The following ELOVL5 variants were observed in gnomAD, a reference collection of about 807,000 sequenced individuals.
ELOVL5 encodes the protein very long chain fatty acid elongase 5.
ELOVL5 carries 8 observed loss-of-function variants against 38.6 expected under a neutral mutation model. The ratio of observed to expected loss-of-function variants is 0.21; its 90% confidence interval spans 0.12 to 0.37. The LOEUF (loss-of-function observed/expected upper bound fraction) is 0.37. Ranked by LOEUF, ELOVL5 falls within the 10% of genes least tolerant of loss-of-function variation. ELOVL5 has a pLI of 1.00. For missense variants in ELOVL5, 280 were observed against 367.8 expected (o/e 0.76, Z 1.95); for synonymous variants, 127 against 133.7 (o/e 0.95, Z 0.34).
At chr6:53,328,469 A>G (rs189087722) in intron 1 of ELOVL5, among the ~76,000 whole-genome samples, 1 of 152,338 alleles carries the variant, frequency 6.6e-6, no homozygotes, top group Admixed American at 6.5e-5. Context: ...CCCAAAGTAG[A>G]GCTCTAGTTG....
intron 1 of ELOVL5, among the ~76,000 whole-genome samples, chr6:53,316,841 A>C (rs893603455): frequency 2.0e-5 from 3 of 152,132 alleles, no homozygotes; most frequent in African/African-American, 7.2e-5. Context: ...AGTTCTGTTC[A>C]CCTAGACCTT....
intron 1 of ELOVL5, among the ~76,000 whole-genome samples, chr6:53,338,409 C>T (rs1769176720): frequency 1.3e-5 from 2 of 152,196 alleles, no homozygotes; most frequent in Non-Finnish European, 2.9e-5. Context: ...AAGGCAGCTG[C>T]TCTGAAAATG....
chr6:53,306,173 C>G (rs1040017386), intron 1 of ELOVL5, among the ~76,000 whole-genome samples: 1 of 142,886 alleles, frequency 7.0e-6, no homozygotes, highest in East Asian at 2.1e-4. Flanking sequence ...AGCTTTGGCT[C>G]GGCATGAGAG....
chr6:53,319,279 A>G (rs1369832952), intron 1 of ELOVL5, among the ~76,000 whole-genome samples: 1 of 3,670 alleles, frequency 2.7e-4, no homozygotes, highest in Non-Finnish European at 8.4e-4. Flanking sequence ...TCAAAAAAAA[A>G]AAAAAAAAAA....
chr6:53,305,414 GC>G (rs1767473089), intron 1 of ELOVL5, among the ~76,000 whole-genome samples: 2 of 150,238 alleles, frequency 1.3e-5, no homozygotes, highest in African/African-American at 4.9e-5. Flanking sequence ...CGGGGTGGCT[GC>G]CGGGCGGAGA....
chr6:53,340,725 C>G (rs1026353615), intron 1 of ELOVL5, among the ~76,000 whole-genome samples: 1 of 152,192 alleles, frequency 6.6e-6, no homozygotes, highest in Non-Finnish European at 1.5e-5. Context: ...TGGTAACCAT[C>G]TAGGTTTGTC....
intron 3 of ELOVL5, among the ~76,000 whole-genome samples, chr6:53,282,511 A>G (rs1364737487): frequency 6.6e-6 from 1 of 152,210 alleles, no homozygotes; most frequent in Non-Finnish European, 1.5e-5. Context: ...CATTCTCCCT[A>G]CCGTGAGGCA....
rs539584767 is a variant in ELOVL5 at position 53,322,271 on chromosome 6, A to G, written c.-9+26546T>C. Reference sequence around the variant, plus strand: ...ACAAAACTACCTTTAAAAAAGCCAAATTTTTAAAGTATTTAAGAACTTGAA... The same window carrying G: ...ACAAAACTACCTTTAAAAAAGCCAAGTTTTTAAAGTATTTAAGAACTTGAA... On this transcript the variant is annotated intron_variant, in intron 1 of 7. Transcript: ENST00000304434. Among the ~76,000 whole-genome samples the G allele has an allele frequency of 2.6e-5, 4 of 152,304 alleles. No homozygotes were observed. In the East Asian group the frequency reaches 7.7e-4, roughly 29 times the overall value.
At chr6:53,283,217 A>G (rs1300401020) in intron 3 of ELOVL5, among the ~76,000 whole-genome samples, 1 of 152,246 alleles carries the variant, frequency 6.6e-6, no homozygotes, top group African/African-American at 2.4e-5. Context: ...ATTCTTACCT[A>G]TAATGCGAGG....
intron 1 of ELOVL5, among the ~76,000 whole-genome samples, chr6:53,345,668 T>G (rs1769509821): frequency 1.6e-5 from 1 of 63,536 alleles, no homozygotes; most frequent in South Asian, 8.6e-4. Context: ...TAGACAGATT[T>G]AAGAGACAAT....
chr6:53,276,233 G>C lies in ELOVL5; in HGVS notation c.270C>G (p.Gly90=), dbSNP rs2127567896. The C allele has an allele frequency of 6.2e-7, 1 of 1,612,704 alleles. No homozygotes were observed. The highest frequency in any genetic ancestry group is 1.1e-5 in the South Asian group (1 of 91,032). The change falls in exon 4 of 8, where the codon GGC becomes GGG. Residue 90 remains glycine (G), a synonymous_variant. Coordinates refer to ENST00000304434, the MANE Select transcript of ELOVL5 (RefSeq NM_021814.5). ...FCELVTGVWE[G]KYNFFCQGTR... Reference sequence around the variant, plus strand: ...TGCCCTGACAGAAGAAGTTGTATTTGCCTTCCCATACTCCTGTTACTAACT... The same window carrying C: ...TGCCCTGACAGAAGAAGTTGTATTTCCCTTCCCATACTCCTGTTACTAACT...
At chr6:53,347,003 G>A (rs1377628545) in intron 1 of ELOVL5, among the ~76,000 whole-genome samples, 1 of 152,184 alleles carries the variant, frequency 6.6e-6, no homozygotes, top group Non-Finnish European at 1.5e-5. Flanking sequence ...CAATGATCCT[G>A]CCACATAAAA....
chr6:53,308,790 A>G (rs1460574962), intron 1 of ELOVL5, among the ~76,000 whole-genome samples: 1 of 148,744 alleles, frequency 6.7e-6, no homozygotes, highest in African/African-American at 2.5e-5. Context: ...GACTAGGATG[A>G]TGGTCTCAAG....
chr6:53,277,792 G>A (rs528620942), intron 3 of ELOVL5: 41 of 152,386 alleles, frequency 2.7e-4, no homozygotes, highest in Non-Finnish European at 5.1e-4. Context: ...TGGAGGTCGG[G>A]GGAGGAAGCT....
chr6:53,275,692 GAA>G (rs1227506051), intron 4 of ELOVL5, among the ~76,000 whole-genome samples: 2 of 152,168 alleles, frequency 1.3e-5, no homozygotes, highest in Non-Finnish European at 2.9e-5. Flanking sequence ...AGAAGAAAAG[GAA>G]TCAGAACCTG....
At chr6:53,275,068 A>C in intron 5 of ELOVL5, 22 bp downstream of exon 5, 1 of 1,610,972 alleles carries the variant, frequency 6.2e-7, no homozygotes, top group African/African-American at 1.3e-5. Flanking sequence ...CTGTTCCCCA[A>C]GTCCCCGTCT....
At chr6:53,278,282 G>A (rs1323514430) in intron 3 of ELOVL5, among the ~76,000 whole-genome samples, 1 of 152,154 alleles carries the variant, frequency 6.6e-6, no homozygotes, top group African/African-American at 2.4e-5. Context: ...AGGTGTGGAT[G>A]ACTGCATTCA....
At chr6:53,301,045 T>TG (rs926509177) in intron 1 of ELOVL5, among the ~76,000 whole-genome samples, 4 of 152,184 alleles carry the variant, frequency 2.6e-5, no homozygotes, top group African/African-American at 9.7e-5. Flanking sequence ...ATTGGGCACT[T>TG]GCTGAGTGGT....
At chr6:53,303,286 C>T (rs1478450401) in intron 1 of ELOVL5, among the ~76,000 whole-genome samples, 3 of 152,130 alleles carry the variant, frequency 2.0e-5, no homozygotes, top group Non-Finnish European at 2.9e-5. Flanking sequence ...AGTAACTTGA[C>T]GACAGAATTC....
Sources: gnomAD v4.1 joint callset for allele counts (sites outside exome capture counted in the v4.1 genomes callset) on GRCh38, gnomAD v4.1.1 for gene constraint, MANE v1.5 for transcripts, NCBI Gene and HGNC (gene_info 2026-07-23, HGNC 2026-07-21) for gene names.